Variants in DLC1 observed in about 807,000 individuals in gnomAD.
DLC1 encodes DLC1 Rho GTPase activating protein.
A neutral mutation model predicts 140.3 loss-of-function variants in DLC1; 54 were observed. The ratio of observed to expected loss-of-function variants is 0.38; its 90% CI spans 0.31 to 0.48. DLC1 has a LOEUF of 0.48. Among genes scored for constraint, DLC1 ranks in the 20% least tolerant of loss-of-function variants. DLC1 has a pLI of 0.96. For missense variants in DLC1, 2,536 were observed against 1,907.0 expected (o/e 1.33, Z -6.14); for synonymous variants, 986 against 728.1 (o/e 1.35, Z -5.70).
intron 2 of DLC1, among the ~76,000 whole-genome samples, chr8:13,425,802 G>A (rs1838547944): frequency 1.3e-5 from 2 of 151,976 alleles, no homozygotes; most frequent in African/African-American, 2.4e-5. Context: ...GGGGTGATAG[G>A]GTCTCACTGT....
intron 1 of DLC1, among the ~76,000 whole-genome samples, chr8:13,579,346 T>TAAA (rs57382105): frequency 1.9e-5 from 1 of 52,232 alleles, no homozygotes; most frequent in African/African-American, 1.1e-4. Flanking sequence ...TATATATATA[T>TAAA]ATATATATAT....
intron 1 of DLC1, among the ~76,000 whole-genome samples, chr8:13,563,446 A>G (rs1406317091): frequency 6.6e-6 from 1 of 152,168 alleles, no homozygotes; most frequent in Non-Finnish European, 1.5e-5. Context: ...AAATTAAAAT[A>G]ATTTTTAAAA....
rs116140006 is a variant in DLC1, at chr8:13,131,148, C to T, written c.1349-15491G>A. 5.8e-3 allele frequency among the ~76,000 whole-genome samples: 886 copies of T among 152,286 alleles called. 8 individuals carry two copies. The highest frequency in any genetic ancestry group is 0.019 in the African/African-American group (809 of 41,562). ...GGGCACCCCTCTGACCATCTGCTGCCGTCTGCAAGCCAAGATGGCAACTCC... is the reference window on the plus strand; with the variant it reads ...GGGCACCCCTCTGACCATCTGCTGCTGTCTGCAAGCCAAGATGGCAACTCC... On this transcript the variant is annotated intron_variant, in intron 5 of 17. Coordinates refer to ENST00000276297, the MANE Select transcript of DLC1 (RefSeq NM_182643.3).
intron 1 of DLC1, among the ~76,000 whole-genome samples, chr8:13,529,723 C>G (rs1803036255): frequency 6.6e-6 from 1 of 152,120 alleles, no homozygotes; most frequent in Non-Finnish European, 1.5e-5. Context: ...ACCTATCCTT[C>G]CAGAAAGATG....
intron 4 of DLC1, among the ~76,000 whole-genome samples, chr8:13,322,516 A>T (rs1219015421): frequency 4.6e-5 from 7 of 152,104 alleles, no homozygotes; most frequent in African/African-American, 1.7e-4. Context: ...TCAGCTGAGG[A>T]TTTAAACTGG....
At chr8:13,537,135 C>A (rs1449180108) in intron 1 of DLC1, among the ~76,000 whole-genome samples, 4 of 150,182 alleles carry the variant, frequency 2.7e-5, no homozygotes, top group South Asian at 2.1e-4. Flanking sequence ...TAAAAAAAAA[C>A]CACTAGTCTG....
intron 5 of DLC1, among the ~76,000 whole-genome samples, chr8:13,233,623 G>A (rs1277550183): frequency 6.6e-6 from 1 of 152,162 alleles, no homozygotes; most frequent in Non-Finnish European, 1.5e-5. Context: ...AAATAAAGAT[G>A]CTATAATATC....
intron 2 of DLC1, among the ~76,000 whole-genome samples, chr8:13,462,464 C>A (rs1306253303): frequency 2.7e-5 from 4 of 147,300 alleles, no homozygotes; most frequent in Admixed American, 6.9e-5. Context: ...AGTGCAGTGG[C>A]GCGATCTTGG....
chr8:13,466,089 C>T (rs1797145469), intron 2 of DLC1, among the ~76,000 whole-genome samples: 1 of 152,180 alleles, frequency 6.6e-6, no homozygotes, highest in African/African-American at 2.4e-5. Context: ...AGATATACTG[C>T]AACGACAAGC....
Position 13,401,474 on chromosome 8 carries a change from A to G in DLC1, c.1169T>C (p.Val390Ala), listed in dbSNP as rs1441616914. 12 of 1,612,216 alleles carry G rather than the reference A, an allele frequency of 7.4e-6. No individual in the cohort carries two copies. The highest frequency in any genetic ancestry group is 1.1e-5 in the South Asian group (1 of 90,978). ...AGTAGAAAGTGGAAAGCTCACAGGA[A>G]CGTGCCGCCGCAGGTTTGTTGGTGT... ...SGTPTNLRRHVPDLESGSESG... is the reference protein window; with the variant it reads ...SGTPTNLRRHAPDLESGSESG... The change falls in exon 3 of 18, where the codon GTT becomes GCT. Residue 390 changes from valine to alanine, a missense_variant. Transcript: ENST00000276297.
At chr8:13,574,578 C>G (rs1051635609) in intron 1 of DLC1, among the ~76,000 whole-genome samples, 1 of 151,944 alleles carries the variant, frequency 6.6e-6, no homozygotes, top group Non-Finnish European at 1.5e-5. Flanking sequence ...CCACTTAGTA[C>G]ATAATTATAC....
chr8:13,102,884 A>T (rs779705677), intron 7 of DLC1, 31 bp from the exon 8 acceptor site: 2 of 1,594,696 alleles, frequency 1.3e-6, no homozygotes, highest in South Asian at 2.2e-5. Flanking sequence ...GTTAGCAAAG[A>T]TAGGCAACCA....
At chr8:13,534,588 C>T (rs1803207338) in intron 1 of DLC1, among the ~76,000 whole-genome samples, 1 of 152,134 alleles carries the variant, frequency 6.6e-6, no homozygotes, top group African/African-American at 2.4e-5. Flanking sequence ...CTTTGCTCTG[C>T]AGACCCTAAG....
At chr8:13,237,177 A>ATG (rs1455011113) in intron 5 of DLC1, among the ~76,000 whole-genome samples, 9 of 140,020 alleles carry the variant, frequency 6.4e-5, no homozygotes, top group East Asian at 4.7e-4. Flanking sequence ...CCTGGGGAGG[A>ATG]TGTGTGTATA....
intron 4 of DLC1, among the ~76,000 whole-genome samples, chr8:13,367,386 C>G (rs923404399): frequency 2.0e-5 from 3 of 152,180 alleles, no homozygotes; most frequent in Non-Finnish European, 4.4e-5. Context: ...GTACAGACAG[C>G]CTCCTGTTCT....
intron 1 of DLC1, among the ~76,000 whole-genome samples, chr8:13,532,803 A>G: frequency 6.6e-6 from 1 of 152,132 alleles, no homozygotes; most frequent in East Asian, 1.9e-4. Flanking sequence ...AATACTTCTT[A>G]TTATAATTTC....
chr8:13,258,350 A>G (rs796872440), intron 5 of DLC1, among the ~76,000 whole-genome samples: 7 of 152,330 alleles, frequency 4.6e-5, no homozygotes, highest in African/African-American at 1.7e-4. Flanking sequence ...GAAAGTAATC[A>G]TATTTTTACT....
chr8:13,318,349 A>C (rs1040380630), intron 4 of DLC1, among the ~76,000 whole-genome samples: 1 of 152,142 alleles, frequency 6.6e-6, no homozygotes, highest in African/African-American at 2.4e-5. Flanking sequence ...ATATAATCTT[A>C]ATAACTACCA....
Position 13,479,632 on chromosome 8 carries a change from A to G in DLC1, c.1023+19417T>C, listed in dbSNP as rs550919389. ...TCTAGGGAGGAAAAATATCTTGACT[A>G]TCTAGAGAATTAAAAACAAGCTACT... On this transcript the variant is annotated intron_variant, in intron 2 of 17. Transcript: ENST00000276297. Among the ~76,000 whole-genome samples the G allele has an allele frequency of 2.6e-5, 4 of 152,128 alleles. No individual in the cohort carries two copies. In the South Asian group the frequency reaches 8.3e-4, roughly 32 times the overall value.
Sources: gnomAD v4.1 joint callset for allele counts (sites outside exome capture counted in the v4.1 genomes callset) on GRCh38, gnomAD v4.1.1 for gene constraint, MANE v1.5 for transcripts, NCBI Gene and HGNC (gene_info 2026-07-23, HGNC 2026-07-21) for gene names.